The following PRUNE2 variants were observed in gnomAD, a reference collection of about 807,000 sequenced individuals.
PRUNE2 encodes protein prune homolog 2.
PRUNE2 carries 164 observed loss-of-function variants against 252.0 expected under a neutral mutation model. The ratio of observed to expected loss-of-function variants is 0.65; its 90% CI spans 0.57 to 0.74. The LOEUF is 0.74. PRUNE2 is among the 30% of genes least tolerant of loss of function. PRUNE2 has a pLI of 0.00. For synonymous variants in PRUNE2, 1,292 were observed against 1,350.2 expected (o/e 0.96, Z 0.94); for missense variants, 3,495 against 3,711.0 (o/e 0.94, Z 1.51).
At chr9:76,637,655 G>T in intron 13 of PRUNE2, 106 bp from the exon 14 acceptor site, 1 of 962,398 alleles carries the variant, frequency 1.0e-6, no homozygotes, top group Non-Finnish European at 1.5e-6. Context: ...GAATGATTGT[G>T]CATATTACCT....
intron 6 of PRUNE2, among the ~76,000 whole-genome samples, chr9:76,720,757 C>T (rs2047567311): frequency 1.3e-5 from 2 of 152,106 alleles, no homozygotes; most frequent in Admixed American, 1.3e-4. Context: ...AATAATCACA[C>T]ACATCTTTAA....
rs181721791 is a variant in PRUNE2, at chr9:76,628,381, C to T, written c.9149+811G>A. ...AGGAAACCATTCCTCACCACCTCACCCACCACTGGGCAAATGCCCTCTACT... is the reference window on the plus strand; with the variant it reads ...AGGAAACCATTCCTCACCACCTCACTCACCACTGGGCAAATGCCCTCTACT... On this transcript the variant is annotated intron_variant, in intron 16 of 18. Transcript: ENST00000376718. Among the ~76,000 whole-genome samples, 102 of 152,262 alleles carry T rather than the reference C, an allele frequency of 6.7e-4. 1 individual carries two copies. Among genetic ancestry groups the T allele is most frequent in the Non-Finnish European group, 5.4e-4 (37 of 68,022 alleles).
intron 4 of PRUNE2, among the ~76,000 whole-genome samples, chr9:76,833,566 C>G (rs1027378110): frequency 6.6e-6 from 1 of 151,738 alleles, no homozygotes; most frequent in Non-Finnish European, 1.5e-5. Flanking sequence ...GAGATCGAGA[C>G]CATCCTGGCT....
chr9:76,807,209 C>CT (rs2057026533), intron 6 of PRUNE2, among the ~76,000 whole-genome samples: 1 of 150,260 alleles, frequency 6.7e-6, no homozygotes, highest in East Asian at 2.0e-4. Context: ...AAGTAGCTAG[C>CT]ACCACCATGT....
At chr9:76,645,994 ACT>A (rs573242944) in intron 11 of PRUNE2, among the ~76,000 whole-genome samples, 4 of 152,300 alleles carry the variant, frequency 2.6e-5, no homozygotes, top group African/African-American at 9.6e-5. Context: ...GCAAAAACTG[ACT>A]CTGAAGTGGT....
intron 12 of PRUNE2, among the ~76,000 whole-genome samples, chr9:76,643,264 T>C (rs1415153379): frequency 2.0e-5 from 3 of 152,146 alleles, no homozygotes; most frequent in Non-Finnish European, 4.4e-5. Flanking sequence ...GGACTCTGCA[T>C]TTAGGAGCTG....
At chr9:76,616,878 T>A (rs1829970972) in intron 18 of PRUNE2, among the ~76,000 whole-genome samples, 1 of 151,948 alleles carries the variant, frequency 6.6e-6, no homozygotes, top group Non-Finnish European at 1.5e-5. Flanking sequence ...TAAAAAGGCA[T>A]GTTGCAAGTT....
chr9:76,705,477 A>G lies in PRUNE2; in HGVS notation c.6797T>C (p.Leu2266Ser), dbSNP rs199566522. 2.2e-4 allele frequency: 349 copies of G among 1,614,010 alleles called. No homozygotes were observed. Among genetic ancestry groups the G allele is most frequent in the Non-Finnish European group, 2.6e-4 (311 of 1,179,870 alleles). The change falls in exon 8 of 19, where the codon TTG (leucine) becomes TCG (serine). Residue 2266 changes from leucine to serine, a missense_variant. Coordinates refer to ENST00000376718, the MANE Select transcript of PRUNE2 (RefSeq NM_015225.3). Reference sequence around the variant, plus strand: ...GGATAAATGTGGATCACCATCAAACAAAGCTCTTGCACCAGGCTGACTTTC... The same window carrying G: ...GGATAAATGTGGATCACCATCAAACGAAGCTCTTGCACCAGGCTGACTTTC... ...SPESQPGARALFDGDPHLSTE... is the reference protein window; with the variant it reads ...SPESQPGARASFDGDPHLSTE...
intron 5 of PRUNE2, among the ~76,000 whole-genome samples, chr9:76,825,332 C>A (rs995939708): frequency 6.6e-6 from 1 of 152,156 alleles, no homozygotes; most frequent in Non-Finnish European, 1.5e-5. Flanking sequence ...CTCCTGGAGC[C>A]GAGATGAGCA....
At chr9:76,658,086 C>T (rs1849903716) in intron 9 of PRUNE2, among the ~76,000 whole-genome samples, 1 of 152,300 alleles carries the variant, frequency 6.6e-6, no homozygotes, top group South Asian at 2.1e-4. Flanking sequence ...AGGCCGGGCG[C>T]AGTGGCTCAC....
At chr9:76,679,937 T>C (rs1475599259) in intron 9 of PRUNE2, among the ~76,000 whole-genome samples, 1 of 152,146 alleles carries the variant, frequency 6.6e-6, no homozygotes, top group East Asian at 1.9e-4. Flanking sequence ...AAAAACTTCA[T>C]GACATTGGAT....
chr9:76,720,696 T>C (rs943942517), intron 6 of PRUNE2, among the ~76,000 whole-genome samples: 13 of 152,284 alleles, frequency 8.5e-5, no homozygotes, highest in African/African-American at 3.1e-4. Context: ...TGGGGACTGG[T>C]TATGACAATT....
At position 76,813,419 on chromosome 9, in the gene PRUNE2, G is replaced by A. The variant is rs749070390; in HGVS notation, c.756+10213C>T. Among the ~76,000 whole-genome samples, 5 of 152,148 alleles carry A rather than the reference G, an allele frequency of 3.3e-5. No individual in the cohort carries two copies. The East Asian group carries it at 7.7e-4, about 23-fold the overall frequency. ...TGACCCCTTGTCTAGACTCGAGAAA[G>A]TCATGGAGAAAAACTATACTAAAGA... On this transcript the variant is annotated intron_variant, in intron 6 of 18. Coordinates refer to ENST00000376718, the MANE Select transcript of PRUNE2 (RefSeq NM_015225.3).
At chr9:76,866,217 G>T (rs2060831122) in intron 1 of PRUNE2, among the ~76,000 whole-genome samples, 1 of 152,192 alleles carries the variant, frequency 6.6e-6, no homozygotes, top group Admixed American at 6.5e-5. Flanking sequence ...TTAGCTACCA[G>T]GTGTTTCTTA....
chr9:76,859,299 C>G (rs889798336), intron 1 of PRUNE2, among the ~76,000 whole-genome samples: 1 of 152,168 alleles, frequency 6.6e-6, no homozygotes, highest in African/African-American at 2.4e-5. Flanking sequence ...AACTTCTTAT[C>G]TCTTTTTAAA....
At chr9:76,862,916 C>T (rs1225088491) in intron 1 of PRUNE2, 1 of 152,092 alleles carries the variant, frequency 6.6e-6, no homozygotes, top group Admixed American at 6.6e-5. Flanking sequence ...CCATAGATGA[C>T]TTCTGTTTGC....
intron 1 of PRUNE2, among the ~76,000 whole-genome samples, chr9:76,859,271 G>A (rs545126368): frequency 2.0e-5 from 3 of 152,128 alleles, no homozygotes; most frequent in South Asian, 2.1e-4. Context: ...CCTATATACC[G>A]CTAAAATGAG....
In PRUNE2 at chr9:76,823,436, C is replaced by T. The variant is rs2058149993; in HGVS notation, c.756+196G>A. Reference sequence around the variant, plus strand: ...TGAAAGAGCATTCATCTTGAGAATCCAGGTTTGGCATTTTTCATTGACTTA... The same window carrying T: ...TGAAAGAGCATTCATCTTGAGAATCTAGGTTTGGCATTTTTCATTGACTTA... On this transcript the variant is annotated intron_variant, in intron 6 of 18. Coordinates refer to ENST00000376718, the MANE Select transcript of PRUNE2 (RefSeq NM_015225.3). The T allele has an allele frequency of 9.6e-6, 5 of 519,576 alleles. No individual in the cohort carries two copies. The South Asian group carries it at 1.3e-4, about 14-fold the overall frequency. 32.2% of individuals were successfully genotyped at this position (519,576 alleles called of 1,614,324 possible).
chr9:76,624,622 C>T, intron 16 of PRUNE2, 132 bp from the exon 17 acceptor site: 3 of 524,038 alleles, frequency 5.7e-6, no homozygotes, highest in Non-Finnish European at 6.4e-6. Context: ...CTTCTGGAGC[C>T]CTGAGACGTA....
Sources: gnomAD v4.1 joint callset for allele counts (sites outside exome capture counted in the v4.1 genomes callset) on GRCh38, gnomAD v4.1.1 for gene constraint, MANE v1.5 for transcripts, NCBI Gene and HGNC (gene_info 2026-07-23, HGNC 2026-07-21) for gene names.